OPCML: variants seen among roughly 807,000 people sequenced by gnomAD.
OPCML encodes opioid-binding protein/cell adhesion molecule.
A neutral mutation model predicts 37.8 loss-of-function variants in OPCML; 13 were observed. The observed-to-expected ratio is 0.34, with a 90% CI of 0.22 to 0.55. The LOEUF (loss-of-function observed/expected upper bound fraction) is 0.55, where lower values mean the gene tolerates loss of function less well. OPCML is among the 20% of genes least tolerant of loss of function. The pLI, the probability that OPCML is intolerant of heterozygous loss-of-function variation, is 0.91. For synonymous variants in OPCML, 176 were observed against 168.8 expected, an observed-to-expected ratio of 1.04 and a Z score of -0.33; for missense variants, 341 against 435.6, an observed-to-expected ratio of 0.78 and a Z score of 1.93.
At chr11:132,971,289 A>G (rs527907278) in intron 1 of OPCML, among the ~76,000 whole-genome samples, 20 of 152,260 alleles carry the variant, frequency 1.3e-4, no homozygotes, top group African/African-American at 4.3e-4. Flanking sequence ...AAATTTCCCA[A>G]TGGCTTTCAT....
At chr11:132,785,709 C>T (rs753851775) in intron 2 of OPCML, among the ~76,000 whole-genome samples, 11 of 152,136 alleles carry the variant, frequency 7.2e-5, no homozygotes, top group African/African-American at 1.2e-4. Context: ...TAAGGAGCCA[C>T]GTGCTTAGGA....
At chr11:132,699,904 A>G (rs1230367756) in intron 2 of OPCML, among the ~76,000 whole-genome samples, 5 of 152,106 alleles carry the variant, frequency 3.3e-5, no homozygotes, top group African/African-American at 1.2e-4. Context: ...TTCTTTAAGA[A>G]AAATTTGAGG....
chr11:133,020,153 C>G (rs989378567), intron 1 of OPCML, among the ~76,000 whole-genome samples: 2 of 152,194 alleles, frequency 1.3e-5, no homozygotes, highest in Non-Finnish European at 2.9e-5. Context: ...TGTAATCAGT[C>G]AAAATAACAA....
intron 3 of OPCML, among the ~76,000 whole-genome samples, chr11:132,593,289 G>A (rs962510017): frequency 5.9e-5 from 9 of 152,222 alleles, no homozygotes; most frequent in Admixed American, 4.6e-4. Context: ...AGGCAGCTGC[G>A]GAGGAGAGCA....
At chr11:133,082,665 G>C (rs957914230) in intron 1 of OPCML, among the ~76,000 whole-genome samples, 2 of 80,102 alleles carry the variant, frequency 2.5e-5, no homozygotes, top group African/African-American at 9.9e-5. Flanking sequence ...ACAGCCCTCG[G>C]CACGGCACGG....
intron 1 of OPCML, among the ~76,000 whole-genome samples, chr11:133,285,844 T>G (rs764610776): frequency 6.6e-5 from 10 of 152,168 alleles, no homozygotes; most frequent in Non-Finnish European, 1.3e-4. Context: ...CCCTGCACAT[T>G]CTGTAAGGCT....
At chr11:132,946,128 A>G (rs1945741011) in intron 1 of OPCML, among the ~76,000 whole-genome samples, 1 of 152,146 alleles carries the variant, frequency 6.6e-6, no homozygotes, top group Admixed American at 6.5e-5. Flanking sequence ...AAATACACAC[A>G]TTAGCCTAGG....
intron 1 of OPCML, among the ~76,000 whole-genome samples, chr11:133,079,057 T>A (rs1192590152): frequency 2.6e-5 from 4 of 151,972 alleles, no homozygotes; most frequent in Non-Finnish European, 5.9e-5. Flanking sequence ...TATTCCTTCC[T>A]CCCACCCAGT....
rs1034667178 is a variant in OPCML, at chr11:133,173,372, A to G, written c.62-230362T>C. Among the ~76,000 whole-genome samples the G allele has an allele frequency of 6.6e-6, 1 of 152,202 alleles. No individual in the cohort carries two copies. Among genetic ancestry groups the G allele is most frequent in the Non-Finnish European group, 1.5e-5 (1 of 68,040 alleles). ...GGAGTCTGAGACTCATAGAGAGGGT[A>G]TCGATAGGAGTACAGATCCCAGTAT... On this transcript the variant is annotated intron_variant, in intron 1 of 7. Transcript: ENST00000524381. The surrounding 1 kb of genome is among the most constrained non-coding windows in gnomAD (Gnocchi z 7.8).
chr11:133,416,790 A>G (rs1186489371), intron 1 of OPCML, among the ~76,000 whole-genome samples: 1 of 152,140 alleles, frequency 6.6e-6, no homozygotes, highest in Non-Finnish European at 1.5e-5. Context: ...GCCTTTTGTT[A>G]TTCATAATGA....
intron 1 of OPCML, among the ~76,000 whole-genome samples, chr11:133,258,716 C>T (rs185618062): frequency 5.6e-4 from 85 of 152,226 alleles, no homozygotes; most frequent in Middle Eastern, 6.8e-3. Flanking sequence ...CACTCTGTCA[C>T]CGTGGCCCCC....
chr11:132,513,766 G>A, intron 4 of OPCML, among the ~76,000 whole-genome samples: 1 of 152,000 alleles, frequency 6.6e-6, no homozygotes, highest in East Asian at 1.9e-4. Flanking sequence ...TTTAACAACT[G>A]GAGTTAAATG....
At chr11:132,953,686 C>A (rs1336776159) in intron 1 of OPCML, among the ~76,000 whole-genome samples, 1 of 152,132 alleles carries the variant, frequency 6.6e-6, no homozygotes, top group Non-Finnish European at 1.5e-5. Context: ...GAAAATGGAT[C>A]CTTCCTCCCC....
intron 1 of OPCML, among the ~76,000 whole-genome samples, chr11:133,474,226 T>C (rs1947183641): frequency 6.6e-6 from 1 of 152,228 alleles, no homozygotes; most frequent in Non-Finnish European, 1.5e-5. Flanking sequence ...CTAGAATGCA[T>C]GGTACGTGCT....
chr11:132,801,188 A>G (rs576464220), intron 2 of OPCML, among the ~76,000 whole-genome samples: 15 of 152,316 alleles, frequency 9.8e-5, no homozygotes, highest in Non-Finnish European at 2.2e-4. Flanking sequence ...ACAGTTATTC[A>G]TTATAGTTTC....
chr11:132,563,416 TG>T (rs1310848898), intron 3 of OPCML, among the ~76,000 whole-genome samples: 2 of 152,056 alleles, frequency 1.3e-5, no homozygotes, highest in Non-Finnish European at 2.9e-5. Context: ...CGAATGTCTC[TG>T]GGTTTGTTGC....
At position 133,368,476 on chromosome 11, in the gene OPCML, G is replaced by T. The variant is rs563617230; in HGVS notation, c.61+163788C>A. 8.5e-5 allele frequency among the ~76,000 whole-genome samples: 13 copies of T among 152,192 alleles called. No individual in the cohort carries two copies. The South Asian group carries it at 2.7e-3, about 32-fold the overall frequency. On this transcript the variant is annotated intron_variant, in intron 1 of 7. Transcript: ENST00000524381. ...AAGGATCTGTTGCCAGACTACTTTG[G>T]TCCAAGGTAAGTGTGTCCTTATCCT...
intron 1 of OPCML, among the ~76,000 whole-genome samples, chr11:132,980,799 A>C (rs1202961338): frequency 6.6e-6 from 1 of 152,170 alleles, no homozygotes; most frequent in Non-Finnish European, 1.5e-5. Flanking sequence ...TCAATTAACT[A>C]TTTCCCTGTG....
At position 132,472,298 on chromosome 11, in the gene OPCML, C is replaced by T. The variant is rs1592226129; in HGVS notation, c.506-34939G>A. Among the ~76,000 whole-genome samples, 3 of 152,182 alleles carry T rather than the reference C, an allele frequency of 2.0e-5. No individual in the cohort carries two copies. The East Asian group carries it at 5.8e-4, about 29-fold the overall frequency. On this transcript the variant is annotated intron_variant, in intron 4 of 7. Transcript: ENST00000524381. ...TTGTCTCTGTATCACCAGAGCCTAG[C>T]ACATAGTAAGCACTCCACAAAAATC... is the stretch of plus-strand genomic sequence containing the variant.
Sources: allele counts gnomAD v4.1 joint callset (sites outside exome capture counted in the v4.1 genomes callset), GRCh38; gene constraint gnomAD v4.1.1; non-coding constraint Gnocchi (gnomAD v3.1); transcripts MANE v1.5; gene names NCBI Gene and HGNC (gene_info 2026-07-23, HGNC 2026-07-21).